Variants in GZMA observed in about 807,000 individuals in gnomAD.
GZMA encodes the protein CTL tryptase.
Under a neutral mutation model 21.1 loss-of-function variants are expected in GZMA, and 17 were observed. The ratio of observed to expected loss-of-function variants is 0.81; its 90% CI spans 0.55 to 1.21. The LOEUF (loss-of-function observed/expected upper bound fraction) is 1.21. Among genes scored for constraint, GZMA ranks in the 50% most tolerant of loss-of-function variants. The pLI is 0.00. For missense variants in GZMA, 306 were observed against 315.9 expected, an observed-to-expected ratio of 0.97 and a Z score of 0.24; for synonymous variants, 90 against 107.8, an observed-to-expected ratio of 0.83 and a Z score of 1.03.
At position 55,108,142 on chromosome 5, in the gene GZMA, A is replaced by T. The variant is rs372514056; in HGVS notation, c.375A>T (p.Lys125Asn). 5.0e-6 allele frequency: 8 copies of T among 1,604,656 alleles called. No homozygotes were observed. Among genetic ancestry groups the T allele is most frequent in the African/African-American group, 1.3e-5 (1 of 74,698 alleles). Residue 125 changes from lysine to asparagine, a missense_variant, in exon 4 of 5, where the codon AAA becomes AAT. Lys to Asn is a moderately conservative substitution (Grantham distance 94). Coordinates refer to ENST00000274306, the MANE Select transcript of GZMA (RefSeq NM_006144.4). ...LKLLQLMEKA[K>N]INKYVTILHL... ...TCCAACAGCTGATGGAAAAAGCAAA[A>T]ATTAACAAATATGTGACTATCCTTC...
chr5:55,102,809 T>G (rs1290110199), intron 1 of GZMA, 57 bp downstream of exon 1: 1 of 1,080,836 alleles, frequency 9.3e-7, no homozygotes, highest in African/African-American at 1.5e-5. Context: ...GAGCAGACTT[T>G]CAATGAACTT....
chr5:55,103,832 C>T (rs1393463212), intron 1 of GZMA, among the ~76,000 whole-genome samples: 3 of 151,976 alleles, frequency 2.0e-5, no homozygotes, highest in African/African-American at 7.3e-5. Context: ...ATGGTGAAAC[C>T]TTGTCTCCAC....
intron 2 of GZMA, among the ~76,000 whole-genome samples, chr5:55,106,409 T>C (rs902396566): frequency 6.6e-6 from 1 of 152,136 alleles, no homozygotes; most frequent in Non-Finnish European, 1.5e-5. Context: ...GCTTAAGTCT[T>C]TGGGCACTTG....
At chr5:55,104,047 A>G (rs1202016395) in intron 1 of GZMA, among the ~76,000 whole-genome samples, 1 of 152,104 alleles carries the variant, frequency 6.6e-6, no homozygotes, top group East Asian at 1.9e-4. Flanking sequence ...GAAATATAAA[A>G]ATAACAAGGC....
At chr5:55,106,546 T>A (rs532631238) in intron 2 of GZMA, among the ~76,000 whole-genome samples, 304 of 152,270 alleles carry the variant, frequency 2.0e-3, no homozygotes, top group African/African-American at 6.9e-3. Flanking sequence ...AGAGCTTTGC[T>A]TCTGTCATGA....
intron 2 of GZMA, among the ~76,000 whole-genome samples, chr5:55,107,550 T>C (rs887763161): frequency 1.3e-5 from 2 of 152,254 alleles, no homozygotes; most frequent in Non-Finnish European, 2.9e-5. Context: ...TCTCTTGTTT[T>C]TCAATGAACC....
intron 1 of GZMA, among the ~76,000 whole-genome samples, chr5:55,104,668 G>A (rs1380269863): frequency 6.6e-6 from 1 of 152,230 alleles, no homozygotes; most frequent in East Asian, 1.9e-4. Flanking sequence ...AGCACTCGGA[G>A]TGTATCACTA....
At chr5:55,107,506 A>G (rs534442233) in intron 2 of GZMA, among the ~76,000 whole-genome samples, 90 of 152,374 alleles carry the variant, frequency 5.9e-4, no homozygotes, top group Non-Finnish European at 1.1e-3. Context: ...TAGGGGGCAG[A>G]TAAGCACAAG....
rs546679927 is a variant in GZMA at position 55,103,419 on chromosome 5, T to C, written c.70+667T>C. Among the ~76,000 whole-genome samples, 459 of 152,352 alleles carry C rather than the reference T, an allele frequency of 3.0e-3. 7 individuals carry two copies. Among genetic ancestry groups the C allele is most frequent in the Middle Eastern group, 3.4e-3 (1 of 294 alleles). ...CATTAACCCTTTGGGTGTGCTATAGTATTTTTTATTAAGCTAATTTTTTGT... is the reference window on the plus strand; with the variant it reads ...CATTAACCCTTTGGGTGTGCTATAGCATTTTTTATTAAGCTAATTTTTTGT... On this transcript the variant is annotated intron_variant, in intron 1 of 4. Coordinates refer to ENST00000274306, the MANE Select transcript of GZMA (RefSeq NM_006144.4).
At position 55,110,193 on chromosome 5, in the gene GZMA, C is replaced by T; in HGVS notation, c.*11C>T. The stretch of plus-strand genomic sequence containing the variant: ...AAGGGAGCAGTTTAAATAACCGTTT[C>T]CTTTCATTTACTGTGGCTTCTTAAT... On this transcript the variant is annotated 3_prime_UTR_variant, in exon 5 of 5. Transcript: ENST00000274306. 1 of 1,560,290 alleles carries T rather than the reference C, an allele frequency of 6.4e-7. No homozygotes were observed. Among genetic ancestry groups the T allele is most frequent in the Non-Finnish European group, 8.7e-7 (1 of 1,152,810 alleles).
rs1051846 is a variant in GZMA at position 55,108,229 on chromosome 5, C to A, written c.462C>A (p.Gly154=). Residue 154 remains glycine (G), a synonymous_variant, in exon 4 of 5, where the codon GGC becomes GGA. Coordinates refer to ENST00000274306, the MANE Select transcript of GZMA (RefSeq NM_006144.4). ...PGTMCQVAGW[G]RTHNSASWSD... ...CCATGTGCCAAGTTGCAGGGTGGGG[C>A]AGGACTCACAATAGTGCATCTTGGT... The A allele has an allele frequency of 1.2e-6, 2 of 1,613,240 alleles. No individual in the cohort carries two copies. Among genetic ancestry groups the A allele is most frequent in the African/African-American group, 2.7e-5 (2 of 74,918 alleles).
At chr5:55,109,469 C>T (rs1580330180) in intron 4 of GZMA, among the ~76,000 whole-genome samples, 3 of 152,322 alleles carry the variant, frequency 2.0e-5, no homozygotes, top group Non-Finnish European at 4.4e-5. Context: ...ACCTAAAGGA[C>T]TAATTCTGCA....
chr5:55,106,706 T>C (rs1040342123), intron 2 of GZMA, among the ~76,000 whole-genome samples: 5 of 152,144 alleles, frequency 3.3e-5, no homozygotes, highest in African/African-American at 9.7e-5. Context: ...TCTTTGGCCA[T>C]CTCTTCACTC....
intron 4 of GZMA, among the ~76,000 whole-genome samples, chr5:55,108,751 C>G (rs1396645652): frequency 2.6e-5 from 4 of 152,176 alleles, no homozygotes. Flanking sequence ...CTCAAGGCCA[C>G]TCAGTACTCT....
chr5:55,108,970 G>A (rs1742460469), intron 4 of GZMA, among the ~76,000 whole-genome samples: 1 of 152,182 alleles, frequency 6.6e-6, no homozygotes, highest in Admixed American at 6.5e-5. Flanking sequence ...CCTGAGAAGA[G>A]GTGGGATAGG....
intron 2 of GZMA, among the ~76,000 whole-genome samples, chr5:55,106,716 C>G (rs1742424474): frequency 6.6e-6 from 1 of 152,206 alleles, no homozygotes; most frequent in Non-Finnish European, 1.5e-5. Flanking sequence ...TCTCTTCACT[C>G]CTGTCGACCA....
chr5:55,104,633 C>G (rs1742353812), intron 1 of GZMA, among the ~76,000 whole-genome samples: 1 of 152,162 alleles, frequency 6.6e-6, no homozygotes, highest in South Asian at 2.1e-4. Context: ...TGGGAGAATC[C>G]AAGAACATCT....
At chr5:55,107,976 T>C in intron 3 of GZMA, 41 bp downstream of exon 3, 1 of 1,578,880 alleles carries the variant, frequency 6.3e-7, no homozygotes, top group South Asian at 1.1e-5. Context: ...CATAGAACCT[T>C]CTACAATCTG....
At position 55,107,939 on chromosome 5, in the gene GZMA, C is replaced by T. The variant is rs763790294; in HGVS notation, c.357+4C>T. 9.3e-6 allele frequency: 15 copies of T among 1,610,378 alleles called. No individual in the cohort carries two copies. The highest frequency in any genetic ancestry group is 4.5e-5 in the East Asian group (2 of 44,854). ...AGGTGACCTTAAACTTTTACAGGTA[C>T]GTATCTTTGATTGTCTTCTCAAAAG... On this transcript the variant is annotated splice_donor_region_variant and intron_variant, in intron 3 of 4. Coordinates refer to ENST00000274306, the MANE Select transcript of GZMA (RefSeq NM_006144.4).
Sources: allele counts gnomAD v4.1 joint callset (sites outside exome capture counted in the v4.1 genomes callset), GRCh38; gene constraint gnomAD v4.1.1; transcripts MANE v1.5; gene names NCBI Gene and HGNC (gene_info 2026-07-23, HGNC 2026-07-21).